GREB1: variants seen among roughly 807,000 people sequenced by gnomAD.
GREB1 encodes growth regulating estrogen receptor binding 1, also known as protein GREB1.
In GREB1, 106 loss-of-function variants were observed where a neutral mutation model predicts 200.7. The ratio of observed to expected loss-of-function variants is 0.53; its 90% confidence interval spans 0.45 to 0.62. The LOEUF (loss-of-function observed/expected upper bound fraction) is 0.62. GREB1 is among the 20% of genes least tolerant of loss of function. The probability of loss-of-function intolerance (pLI) is 0.00; values close to 1 mark genes in which losing one functional copy is unlikely to be tolerated. For missense variants in GREB1, 2,243 were observed against 2,556.8 expected (o/e 0.88, Z 2.65); for synonymous variants, 1,132 against 1,092.4 (o/e 1.04, Z -0.72).
chr2:11,616,318 C>G (rs995168798), intron 20 of GREB1, among the ~76,000 whole-genome samples: 1 of 152,264 alleles, frequency 6.6e-6, no homozygotes, highest in African/African-American at 2.4e-5. Flanking sequence ...AGATGCCCCC[C>G]TCTTCCAGGA....
rs776606673 is a variant in GREB1 at position 11,637,702 on chromosome 2, C to G, written c.5347-14C>G. 12 of 1,611,222 alleles carry G rather than the reference C, an allele frequency of 7.4e-6. No homozygotes were observed. In the Admixed American group the frequency reaches 1.0e-4, roughly 13 times the overall value. Reference sequence around the variant, plus strand: ...TCAGGGCAGTAGTGGCCTGACACCCCCCTTCCCGTGCAGGTGTCTGATAAC... The same window carrying G: ...TCAGGGCAGTAGTGGCCTGACACCCGCCTTCCCGTGCAGGTGTCTGATAAC... On this transcript the variant is annotated splice_polypyrimidine_tract_variant and intron_variant, in intron 30 of 32. Transcript: ENST00000381486.
intron 8 of GREB1, 135 bp from the exon 9 acceptor site, chr2:11,585,627 C>G: frequency 1.1e-6 from 1 of 887,890 alleles, no homozygotes; most frequent in Non-Finnish European, 1.8e-6. Flanking sequence ...GAATCTGTGA[C>G]TCTAAGAGTT....
intron 15 of GREB1, among the ~76,000 whole-genome samples, chr2:11,600,235 T>C (rs1033224800): frequency 6.6e-6 from 1 of 152,022 alleles, no homozygotes; most frequent in Admixed American, 6.6e-5. Context: ...ATCCAAAGGG[T>C]TAAGCACTGA....
chr2:11,511,904 C>G (rs1673363920), intron 1 of GREB1, among the ~76,000 whole-genome samples: 1 of 152,098 alleles, frequency 6.6e-6, no homozygotes. Context: ...TGGAGGAGAC[C>G]TTGGTGGGTG....
chr2:11,616,566 A>C (rs1683422898), intron 20 of GREB1, 65 bp from the exon 21 acceptor site: 4 of 971,970 alleles, frequency 4.1e-6, no homozygotes, highest in Non-Finnish European at 6.7e-6. Flanking sequence ...ACACACTGTG[A>C]AGTGCTGGGC....
intron 1 of GREB1, among the ~76,000 whole-genome samples, chr2:11,553,406 G>T (rs566753650): frequency 7.9e-5 from 12 of 152,028 alleles, no homozygotes; most frequent in African/African-American, 2.9e-4. Context: ...AGGCTGAGGT[G>T]GGAGGATCAG....
rs950703244 is a variant in GREB1, at chr2:11,640,747, C to T, written c.*293C>T. On this transcript the variant is annotated 3_prime_UTR_variant, in exon 33 of 33. Transcript: ENST00000381486. The surrounding 1 kb of genome is among the most constrained non-coding windows in gnomAD (Gnocchi z 4.6). ...AACAAAGATTTACTTCCTGTCCTGC[C>T]ATTCGTGTGCTTCCATGGACAAACC... 1 of 362,662 alleles carries T rather than the reference C, an allele frequency of 2.8e-6. No individual in the cohort carries two copies. The highest frequency in any genetic ancestry group is 4.9e-6 in the Non-Finnish European group (1 of 202,200). The allele number at this position is 362,662 out of a possible 1,614,324, so 22.5% of individuals were successfully genotyped here.
At chr2:11,607,914 A>G (rs1682555227) in intron 17 of GREB1, among the ~76,000 whole-genome samples, 1 of 152,180 alleles carries the variant, frequency 6.6e-6, no homozygotes, top group East Asian at 1.9e-4. Context: ...AAACACCGCC[A>G]AGACTGTGTT....
intron 5 of GREB1, among the ~76,000 whole-genome samples, chr2:11,577,569 G>T (rs896939924): frequency 2.0e-5 from 3 of 152,190 alleles, no homozygotes; most frequent in Non-Finnish European, 4.4e-5. Flanking sequence ...GTGAGGAGGA[G>T]GCTGGATCCT....
intron 1 of GREB1, among the ~76,000 whole-genome samples, chr2:11,509,735 C>G (rs1466358735): frequency 6.6e-6 from 1 of 152,158 alleles, no homozygotes; most frequent in African/African-American, 2.4e-5. Context: ...CTGTTTGCCC[C>G]TTCCACCATG....
chr2:11,544,481 G>T (rs1191525128), intron 1 of GREB1, among the ~76,000 whole-genome samples: 1 of 152,172 alleles, frequency 6.6e-6, no homozygotes, highest in Non-Finnish European at 1.5e-5. Flanking sequence ...CTCCCAAAGT[G>T]CTGGGATTAC....
intron 1 of GREB1, among the ~76,000 whole-genome samples, chr2:11,546,359 C>T (rs1675279649): frequency 6.6e-6 from 1 of 152,110 alleles, no homozygotes; most frequent in South Asian, 2.1e-4. Context: ...TCCATTCATA[C>T]TCTCTTTCAG....
intron 1 of GREB1, among the ~76,000 whole-genome samples, chr2:11,506,562 G>C (rs555815287): frequency 4.3e-4 from 65 of 152,316 alleles, no homozygotes; most frequent in Non-Finnish European, 8.2e-4. Context: ...TTTTCTATTA[G>C]ACCATCTGCC....
intron 18 of GREB1, 52 bp from the exon 19 acceptor site, chr2:11,612,443 C>G: frequency 6.6e-7 from 1 of 1,520,784 alleles, no homozygotes; most frequent in Non-Finnish European, 9.1e-7. Flanking sequence ...CTGAGCTGGG[C>G]TGGTTGGGAA....
chr2:11,551,796 C>T (rs187455851), intron 1 of GREB1, among the ~76,000 whole-genome samples: 95 of 152,252 alleles, frequency 6.2e-4, no homozygotes, highest in African/African-American at 2.2e-3. Flanking sequence ...CAGGACGAGC[C>T]GTGGCCAAAA....
At chr2:11,542,367 G>T (rs554130805) in intron 1 of GREB1, among the ~76,000 whole-genome samples, 3 of 152,246 alleles carry the variant, frequency 2.0e-5, no homozygotes, top group Admixed American at 1.3e-4. Flanking sequence ...AGCTTGGGGT[G>T]GCCTGGGTGG....
At position 11,550,588 on chromosome 2, in the gene GREB1, C is replaced by T. The variant is rs558114566; in HGVS notation, c.-161-5866C>T. ...TCCCACTCTTCAGCCCTACTTTTCA[C>T]CTTGTTGCCTGGAATTCCCAAGCCT... On this transcript the variant is annotated intron_variant, in intron 1 of 32. Coordinates refer to ENST00000381486, the MANE Select transcript of GREB1 (RefSeq NM_014668.4). Among the ~76,000 whole-genome samples the T allele has an allele frequency of 1.2e-4, 19 of 152,324 alleles. No individual in the cohort carries two copies. The South Asian group carries it at 2.5e-3, about 20-fold the overall frequency.
chr2:11,632,335 C>CTTTTTT (rs567209224), intron 27 of GREB1, among the ~76,000 whole-genome samples: 23 of 112,202 alleles, frequency 2.0e-4, no homozygotes, highest in Non-Finnish European at 3.1e-4. Flanking sequence ...TTCTTTCTCT[C>CTTTTTT]TTTTTTTTTT....
chr2:11,524,923 G>C (rs776177038), intron 1 of GREB1, among the ~76,000 whole-genome samples: 1 of 152,200 alleles, frequency 6.6e-6, no homozygotes, highest in South Asian at 2.1e-4. Context: ...TTCTAGAAAC[G>C]CTGTTGTTTT....
Sources: gnomAD v4.1 joint callset for allele counts (sites outside exome capture counted in the v4.1 genomes callset) on GRCh38, gnomAD v4.1.1 for gene constraint, Gnocchi (gnomAD v3.1) non-coding constraint, MANE v1.5 for transcripts, NCBI Gene and HGNC (gene_info 2026-07-23, HGNC 2026-07-21) for gene names.